The following CNOT4 variants were observed in gnomAD, a reference collection of about 807,000 sequenced individuals.
The protein encoded by CNOT4 is CCR4-associated factor 4.
A neutral mutation model predicts 73.8 loss-of-function variants in CNOT4; 8 were observed. The ratio of observed to expected loss-of-function variants is 0.11; its 90% CI spans 0.06 to 0.20. The LOEUF is 0.20. CNOT4 is among the 10% of genes least tolerant of loss of function. The pLI is 1.00. For missense variants in CNOT4, 564 were observed against 883.4 expected, an observed-to-expected ratio of 0.64 and a Z score of 4.58; for synonymous variants, 293 against 321.1, an observed-to-expected ratio of 0.91 and a Z score of 0.94.
intron 3 of CNOT4, among the ~76,000 whole-genome samples, chr7:135,415,639 C>T (rs3828959): frequency 0.17 from 25,165 of 151,948 alleles, 2,497 homozygotes; most frequent in Non-Finnish European, 0.22. Context: ...AGCAATTCTT[C>T]AAAAACAATG....
At chr7:135,453,801 A>T (rs1054559906) in intron 1 of CNOT4, among the ~76,000 whole-genome samples, 8 of 132,600 alleles carry the variant, frequency 6.0e-5, no homozygotes, top group South Asian at 2.2e-4. Flanking sequence ...TTTATATATA[A>T]ATATATATAA....
intron 1 of CNOT4, among the ~76,000 whole-genome samples, chr7:135,446,943 T>C (rs1310717871): frequency 9.4e-6 from 1 of 106,634 alleles, no homozygotes; most frequent in Non-Finnish European, 2.4e-5. Context: ...CCCACTAGAA[T>C]GGAAACTTCA....
chr7:135,428,621 TC>T (rs1798646542), intron 2 of CNOT4, among the ~76,000 whole-genome samples: 1 of 152,020 alleles, frequency 6.6e-6, no homozygotes, highest in South Asian at 2.1e-4. Context: ...AACAAACTAT[TC>T]GCACATGAGG....
At chr7:135,480,335 C>T (rs1035736834) in intron 1 of CNOT4, among the ~76,000 whole-genome samples, 2 of 152,192 alleles carry the variant, frequency 1.3e-5, no homozygotes, top group East Asian at 3.8e-4. Flanking sequence ...GTCATTAAAT[C>T]TCACTTATTT....
chr7:135,465,346 C>T (rs1801151330), intron 1 of CNOT4, among the ~76,000 whole-genome samples: 2 of 152,106 alleles, frequency 1.3e-5, no homozygotes, highest in South Asian at 4.1e-4. Flanking sequence ...CAACACACGC[C>T]CACATTTTTG....
chr7:135,492,618 T>C (rs1803188214), intron 1 of CNOT4, among the ~76,000 whole-genome samples: 1 of 152,106 alleles, frequency 6.6e-6, no homozygotes, highest in Non-Finnish European at 1.5e-5. Context: ...TTCAAGTTAT[T>C]GGTAATAACA....
rs1796221025 is a variant in CNOT4 at position 135,388,230 on chromosome 7, G to A, written c.1627+5688C>T. On this transcript the variant is annotated intron_variant, in intron 10 of 11. Coordinates refer to ENST00000541284, the MANE Select transcript of CNOT4 (RefSeq NM_001190850.2). Reference sequence around the variant, plus strand: ...AGTGCAAAAGAGAGAGAACAAAACAGTTTCTACACATGTAATGCATATTAT... The same window carrying A: ...AGTGCAAAAGAGAGAGAACAAAACAATTTCTACACATGTAATGCATATTAT... 4.1e-6 allele frequency: 4 copies of A among 984,900 alleles called. No individual in the cohort carries two copies. In the South Asian group the frequency reaches 1.9e-4, roughly 46 times the overall value. The allele number at this position is 984,900 out of a possible 1,614,324, so 61.0% of individuals were successfully genotyped here.
chr7:135,409,935 T>C (rs1024548580), intron 7 of CNOT4, among the ~76,000 whole-genome samples: 16 of 152,118 alleles, frequency 1.1e-4, no homozygotes, highest in African/African-American at 2.2e-4. Context: ...ACCATAAATT[T>C]ATTTAAGCAT....
At chr7:135,439,440 T>C (rs1799345233) in intron 1 of CNOT4, among the ~76,000 whole-genome samples, 1 of 152,138 alleles carries the variant, frequency 6.6e-6, no homozygotes, top group Non-Finnish European at 1.5e-5. Flanking sequence ...CCTATTAGTA[T>C]AAAATTAGAC....
intron 2 of CNOT4, among the ~76,000 whole-genome samples, chr7:135,434,563 T>C (rs1375366266): frequency 6.6e-6 from 1 of 152,240 alleles, no homozygotes; most frequent in Non-Finnish European, 1.5e-5. Context: ...CTGTAACTGT[T>C]GGAAAGTTTT....
intron 1 of CNOT4, among the ~76,000 whole-genome samples, chr7:135,465,584 TC>T (rs1801168808): frequency 6.6e-6 from 1 of 152,066 alleles, no homozygotes; most frequent in East Asian, 1.9e-4. Context: ...CTCAGGCGGG[TC>T]CTTAAGAAAA....
At chr7:135,507,848 T>TA (rs535526883) in intron 1 of CNOT4, among the ~76,000 whole-genome samples, 44 of 152,044 alleles carry the variant, frequency 2.9e-4, no homozygotes, top group Admixed American at 4.6e-4. Flanking sequence ...TGTAAGTGAT[T>TA]AAAAAAAACC....
rs1265813282 is a variant in CNOT4 at position 135,438,391 on chromosome 7, G to A, written c.-60C>T. The A allele has an allele frequency of 3.9e-5, 54 of 1,386,000 alleles. No homozygotes were observed. The highest frequency in any genetic ancestry group is 5.1e-5 in the Non-Finnish European group (53 of 1,029,868). The allele number at this position is 1,386,000 out of a possible 1,614,324, so 85.9% of individuals were successfully genotyped here. A position where few individuals can be genotyped will look rare whatever the true frequency, so the allele number is the denominator to read the frequency against. ...ATAATTTAAGGGAGAAGGAAGTTCA[G>A]CACTGAAAGCTAAAATGTAGGACTT... On this transcript the variant is annotated 5_prime_UTR_variant, in exon 2 of 12. Coordinates refer to ENST00000541284, the MANE Select transcript of CNOT4 (RefSeq NM_001190850.2).
intron 3 of CNOT4, among the ~76,000 whole-genome samples, chr7:135,417,771 C>A (rs1297095037): frequency 6.6e-6 from 1 of 152,300 alleles, no homozygotes; most frequent in East Asian, 1.9e-4. Context: ...TACCTTGGCA[C>A]CTTCTTTCTC....
At chr7:135,479,481 T>C (rs1375660490) in intron 1 of CNOT4, among the ~76,000 whole-genome samples, 1 of 151,876 alleles carries the variant, frequency 6.6e-6, no homozygotes, top group Non-Finnish European at 1.5e-5. Flanking sequence ...AGTGCTGGGA[T>C]TACAGGCATG....
intron 7 of CNOT4, among the ~76,000 whole-genome samples, chr7:135,403,803 T>C (rs1013941238): frequency 1.3e-5 from 2 of 152,228 alleles, no homozygotes; most frequent in East Asian, 3.8e-4. Context: ...TATGGACATC[T>C]ACTAGCCTAA....
intron 2 of CNOT4, among the ~76,000 whole-genome samples, chr7:135,430,643 G>A (rs753108758): frequency 1.1e-4 from 16 of 151,638 alleles, no homozygotes; most frequent in African/African-American, 2.9e-4. Flanking sequence ...AGACCCTATC[G>A]CTTTAAAAAA....
chr7:135,390,992 T>C (rs1049609826), intron 10 of CNOT4, among the ~76,000 whole-genome samples: 2 of 152,274 alleles, frequency 1.3e-5, no homozygotes, highest in Middle Eastern at 3.4e-3. Flanking sequence ...TAAGGTATCA[T>C]GATAACTGCT....
At chr7:135,422,549 T>C (rs182784245) in intron 2 of CNOT4, among the ~76,000 whole-genome samples, 196 bp from the exon 3 acceptor site, 57 of 152,286 alleles carry the variant, frequency 3.7e-4, no homozygotes, top group Admixed American at 9.2e-4. Flanking sequence ...TAAAAAATTT[T>C]TTGGAGCTTA....
Sources: gnomAD v4.1 joint callset for allele counts (sites outside exome capture counted in the v4.1 genomes callset) on GRCh38, gnomAD v4.1.1 for gene constraint, MANE v1.5 for transcripts, NCBI Gene and HGNC (gene_info 2026-07-23, HGNC 2026-07-21) for gene names.